Variants in TRMT2B observed in about 807,000 individuals in gnomAD.
The protein encoded by TRMT2B is tRNA methyltransferase 2B, also known as tRNA (uracil-5-)-methyltransferase homolog B.
TRMT2B carries 34 observed loss-of-function variants against 39.7 expected under a neutral mutation model. The ratio of observed to expected loss-of-function variants is 0.86; its 90% CI spans 0.65 to 1.14. The LOEUF is 1.14. Ranked by LOEUF, TRMT2B falls within the 50% of genes most tolerant of loss-of-function variation. The pLI, the probability that TRMT2B is intolerant of heterozygous loss-of-function variation, is 0.00. For missense variants in TRMT2B, 318 were observed against 377.2 expected (o/e 0.84, Z 1.30); for synonymous variants, 132 against 137.3 (o/e 0.96, Z 0.27).
the TRMT2B span, among the ~76,000 whole-genome samples, chrX:100,978,426 T>C: frequency 8.9e-6 from 1 of 111,928 alleles, no homozygotes; most frequent in Non-Finnish European, 1.9e-5. Context: ...ATACACTTGC[T>C]GAATTGATCC....
intron 7 of TRMT2B, among the ~76,000 whole-genome samples, chrX:101,029,655 T>C (rs890637820): frequency 4.5e-5 from 5 of 111,611 alleles, no homozygotes; most frequent in Admixed American, 9.7e-5. Flanking sequence ...CTTGAACTTA[T>C]AGGGGTGCAA....
chrX:101,013,101 G>A (rs892850261), intron 13 of TRMT2B, among the ~76,000 whole-genome samples: 1 of 111,744 alleles, frequency 8.9e-6, no homozygotes, highest in Non-Finnish European at 1.9e-5. Context: ...GATTACAGGC[G>A]TGAGCCACCG....
chrX:101,051,170 G>C, intron 2 of TRMT2B, 81 bp downstream of exon 2: 2 of 551,023 alleles, frequency 3.6e-6, no homozygotes, highest in Non-Finnish European at 4.4e-6. Flanking sequence ...CTGGAGTCCA[G>C]AGTAGCCCAA....
chrX:100,977,672 C>T, the TRMT2B span, among the ~76,000 whole-genome samples: 1 of 111,998 alleles, frequency 8.9e-6, no homozygotes, highest in African/African-American at 3.2e-5. Context: ...TGTACCACCA[C>T]ACCCGGCTGT....
At chrX:100,981,637 A>C in the TRMT2B span, among the ~76,000 whole-genome samples, 1 of 99,595 alleles carries the variant, frequency 1.0e-5, no homozygotes, top group African/African-American at 3.7e-5. Flanking sequence ...AACTCTCTAC[A>C]AAAAAAAAAA....
chrX:101,038,268 T>C (rs1033697409), intron 4 of TRMT2B, among the ~76,000 whole-genome samples: 1 of 101,145 alleles, frequency 9.9e-6, no homozygotes, highest in African/African-American at 3.7e-5. Context: ...CTCGGGAGGC[T>C]GAGGCAGGAG....
chrX:100,987,053 T>G, the TRMT2B span, among the ~76,000 whole-genome samples: 1 of 111,762 alleles, frequency 8.9e-6, no homozygotes, highest in Non-Finnish European at 1.9e-5. Context: ...ATGGTGATAA[T>G]AAATATTGCA....
At chrX:101,034,734 T>C (rs1052381330) in intron 7 of TRMT2B, among the ~76,000 whole-genome samples, 2 of 111,503 alleles carry the variant, frequency 1.8e-5, no homozygotes, top group African/African-American at 6.5e-5. Context: ...TAATTTGACA[T>C]AAAGAACTAG....
the TRMT2B span, chrX:100,987,016 GC>G: frequency 2.2e-6 from 1 of 453,430 alleles, no homozygotes; most frequent in Non-Finnish European, 3.7e-6. Context: ...TCCCTGTCAG[GC>G]AACACCCACA....
intron 7 of TRMT2B, among the ~76,000 whole-genome samples, chrX:101,028,514 G>A (rs1325698371): frequency 2.7e-5 from 3 of 111,102 alleles, no homozygotes; most frequent in African/African-American, 6.5e-5. Flanking sequence ...ACCACTGATC[G>A]ATCTACATCA....
intron 10 of TRMT2B, 60 bp downstream of exon 10, chrX:101,021,041 A>G (rs2086775260): frequency 1.8e-6 from 2 of 1,102,326 alleles, no homozygotes; most frequent in East Asian, 6.0e-5. Context: ...CCACCTCCGC[A>G]AGCTACAAGG....
At chrX:101,045,394 C>T (rs371157827) in intron 2 of TRMT2B, among the ~76,000 whole-genome samples, 33 of 102,989 alleles carry the variant, frequency 3.2e-4, no homozygotes, top group African/African-American at 1.1e-3. Flanking sequence ...GCGGAGGTTG[C>T]GGTGAGCCGA....
intron 10 of TRMT2B, 39 bp downstream of exon 10, chrX:101,021,062 C>T: frequency 8.6e-7 from 1 of 1,166,133 alleles, no homozygotes; most frequent in South Asian, 1.8e-5. Context: ...GCCTTGGGAG[C>T]TGAGCAGCAT....
At chrX:100,985,420 C>G in the TRMT2B span, among the ~76,000 whole-genome samples, 1 of 111,752 alleles carries the variant, frequency 8.9e-6, no homozygotes, top group African/African-American at 3.3e-5. Flanking sequence ...AGATAGCCCC[C>G]AAGTATGGGC....
At chrX:101,050,030 G>T (rs2088960998) in intron 2 of TRMT2B, among the ~76,000 whole-genome samples, 1 of 111,341 alleles carries the variant, frequency 9.0e-6, no homozygotes, top group Non-Finnish European at 1.9e-5. Flanking sequence ...CCCATTTGAG[G>T]ATTTGCAGAG....
chrX:101,036,991 T>G lies in TRMT2B; in HGVS notation c.521A>C (p.Tyr174Ser), dbSNP rs1440764777. 1.7e-6 allele frequency: 2 copies of G among 1,210,253 alleles called. No individual in the cohort carries two copies. Among genetic ancestry groups the G allele is most frequent in the Non-Finnish European group, 2.2e-6 (2 of 894,162 alleles). Residue 174 changes from tyrosine (Y) to serine (S), a missense_variant, in exon 6 of 14, where the codon TAC (tyrosine) becomes TCC (serine). Tyr to Ser is a moderately radical substitution (Grantham distance 144). Coordinates refer to ENST00000372936, the MANE Select transcript of TRMT2B (RefSeq NM_024917.6). ...CAACTGACCTCTCCAAGTTCCCAGG[T>G]AGAACCCCACAGTCTTTGGATTGCC... ...PDGNPKTVGFYLGTWRDGNVV... is the reference protein window; with the variant it reads ...PDGNPKTVGFSLGTWRDGNVV...
intron 7 of TRMT2B, among the ~76,000 whole-genome samples, chrX:101,024,696 A>G (rs1426054687): frequency 9.0e-6 from 1 of 111,093 alleles, no homozygotes; most frequent in Non-Finnish European, 1.9e-5. Context: ...CAGGGCAGGC[A>G]CCTGTAATCT....
At chrX:101,041,593 C>CA (rs768289489) in intron 3 of TRMT2B, among the ~76,000 whole-genome samples, 22 of 111,864 alleles carry the variant, frequency 2.0e-4, no homozygotes, top group Non-Finnish European at 3.8e-4. Context: ...AATCATATTA[C>CA]AAAAGGCTTC....
At chrX:101,008,913 C>T (rs778092623), downstream of TRMT2B, among the ~76,000 whole-genome samples, 7 of 111,362 alleles carry the variant, frequency 6.3e-5, no homozygotes, top group Non-Finnish European at 1.1e-4. Flanking sequence ...ACTCAAGTAA[C>T]GGCAGTGGCC....
Sources: gnomAD v4.1 joint callset for allele counts (sites outside exome capture counted in the v4.1 genomes callset) on GRCh38, gnomAD v4.1.1 for gene constraint, MANE v1.5 for transcripts, NCBI Gene and HGNC (gene_info 2026-07-23, HGNC 2026-07-21) for gene names.